Variants in ZMIZ1 observed in about 807,000 individuals in gnomAD.
The protein encoded by ZMIZ1 is zinc finger MIZ-type containing 1, also known as zinc finger MIZ domain-containing protein 1.
A neutral mutation model predicts 113.9 loss-of-function variants in ZMIZ1; 17 were observed. That is an observed-to-expected ratio of 0.15 (90% CI 0.10 to 0.22). ZMIZ1 has a LOEUF of 0.22. ZMIZ1 is among the 10% of genes least tolerant of loss of function. The pLI is 1.00. For synonymous variants in ZMIZ1, 607 were observed against 603.1 expected, an observed-to-expected ratio of 1.01 and a Z score of -0.09; for missense variants, 1,059 against 1,477.8, an observed-to-expected ratio of 0.72 and a Z score of 4.65.
intron 1 of ZMIZ1, among the ~76,000 whole-genome samples, chr10:79,113,553 G>A (rs570130187): frequency 6.6e-5 from 10 of 152,330 alleles, no homozygotes; most frequent in South Asian, 2.1e-4. Flanking sequence ...TCCACTTTAT[G>A]TGCCCAGGCC....
intron 4 of ZMIZ1, among the ~76,000 whole-genome samples, chr10:79,165,973 T>C (rs992723576): frequency 0.015 from 885 of 58,688 alleles, 1 homozygote; most frequent in African/African-American, 0.019. Context: ...TGTGTGTGTG[T>C]GTGTGTGTGT....
Position 79,296,363 on chromosome 10 carries a change from C to A in ZMIZ1, c.1231-108C>A. On this transcript the variant is annotated intron_variant, in intron 12 of 24. Transcript: ENST00000334512. This position sits in a 1 kb window ranked among gnomAD's most constrained non-coding sequence, Gnocchi z 4.1. The stretch of plus-strand genomic sequence containing the variant: ...ATCTGGTTTTGTGGGTGGGAAACAG[C>A]AGGAGCAAATGAGGAGAGGCGGGCC... The A allele has an allele frequency of 8.2e-7, 1 of 1,224,530 alleles. No individual in the cohort carries two copies. The highest frequency in any genetic ancestry group is 1.2e-6 in the Non-Finnish European group (1 of 845,740). 75.9% of individuals were successfully genotyped at this position (1,224,530 alleles called of 1,614,324 possible).
intron 3 of ZMIZ1, among the ~76,000 whole-genome samples, chr10:79,161,824 G>T (rs536108800): frequency 6.6e-6 from 1 of 150,800 alleles, no homozygotes; most frequent in Non-Finnish European, 1.5e-5. Context: ...ACTTTGACAC[G>T]TGAGGAAATT....
chr10:79,156,321 G>A (rs1156948787), intron 3 of ZMIZ1, among the ~76,000 whole-genome samples: 1 of 152,100 alleles, frequency 6.6e-6, no homozygotes, highest in Admixed American at 6.5e-5. Context: ...TGCCAGGTTG[G>A]GGACCCTAGG....
intron 1 of ZMIZ1, among the ~76,000 whole-genome samples, chr10:79,095,576 TG>T (rs1843141087): frequency 6.6e-6 from 1 of 152,228 alleles, no homozygotes; most frequent in South Asian, 2.1e-4. Flanking sequence ...CTTACCTGAC[TG>T]CTCTGAGTGC....
At chr10:79,223,683 C>T (rs1336495025) in intron 7 of ZMIZ1, among the ~76,000 whole-genome samples, 1 of 152,234 alleles carries the variant, frequency 6.6e-6, no homozygotes, top group Non-Finnish European at 1.5e-5. Context: ...AGACACAGAC[C>T]CAGGTCACAT....
At chr10:79,218,790 G>GC (rs1205212236) in intron 7 of ZMIZ1, among the ~76,000 whole-genome samples, 1 of 152,166 alleles carries the variant, frequency 6.6e-6, no homozygotes. Flanking sequence ...TAAGGGGACA[G>GC]CCTGTGCAAA....
At chr10:79,077,867 A>G (rs1842527339) in intron 1 of ZMIZ1, among the ~76,000 whole-genome samples, 1 of 152,262 alleles carries the variant, frequency 6.6e-6, no homozygotes, top group Non-Finnish European at 1.5e-5. Flanking sequence ...AGCCCTAGTC[A>G]TGGTCACCAC....
In ZMIZ1 at chr10:79,194,893, G is replaced by A. The variant is rs561433048; in HGVS notation, c.-49-6691G>A. 2.0e-5 allele frequency among the ~76,000 whole-genome samples: 3 copies of A among 152,312 alleles called. No homozygotes were observed. The South Asian group carries it at 6.2e-4, about 32-fold the overall frequency. ...TGGTGAGAAGTGTAAATGGAAGCTT[G>A]GTCCCGAAAGACGTCCCACGGGAGT... is the stretch of plus-strand genomic sequence containing the variant. On this transcript the variant is annotated intron_variant, in intron 4 of 24. Transcript: ENST00000334512.
intron 12 of ZMIZ1, chr10:79,295,165 C>T (rs1472072876): frequency 2.0e-5 from 3 of 152,180 alleles, no homozygotes; most frequent in Non-Finnish European, 4.4e-5. Context: ...CCCAGTGTCC[C>T]ACTGGCTGTG....
intron 4 of ZMIZ1, among the ~76,000 whole-genome samples, chr10:79,168,185 G>A (rs1846438618): frequency 6.6e-6 from 1 of 152,188 alleles, no homozygotes; most frequent in African/African-American, 2.4e-5. Context: ...CTCTGCTCAG[G>A]CAGTGTGGCA....
chr10:79,175,602 G>GTGTA (rs1554862769), intron 4 of ZMIZ1, among the ~76,000 whole-genome samples: 5 of 113,752 alleles, frequency 4.4e-5, no homozygotes, highest in African/African-American at 9.7e-5. Flanking sequence ...GTGTGTGTGT[G>GTGTA]TGTGTGTGTG....
At chr10:79,136,824 A>G (rs1378922180) in intron 2 of ZMIZ1, among the ~76,000 whole-genome samples, 1 of 152,198 alleles carries the variant, frequency 6.6e-6, no homozygotes, top group Non-Finnish European at 1.5e-5. Context: ...AGGGAGGCTT[A>G]CAGGGAAGCA....
At chr10:79,280,514 A>G (rs999943441) in intron 8 of ZMIZ1, among the ~76,000 whole-genome samples, 5 of 152,038 alleles carry the variant, frequency 3.3e-5, no homozygotes, top group African/African-American at 9.7e-5. Flanking sequence ...GGCTCAAACA[A>G]TCCTACCACC....
At chr10:79,145,460 G>A (rs551058291) in intron 3 of ZMIZ1, among the ~76,000 whole-genome samples, 1 of 152,110 alleles carries the variant, frequency 6.6e-6, no homozygotes, top group Admixed American at 6.5e-5. Context: ...GGGTCTCCGG[G>A]TTCAAATCCC....
chr10:79,076,456 G>A (rs978942776), intron 1 of ZMIZ1, among the ~76,000 whole-genome samples: 4 of 152,192 alleles, frequency 2.6e-5, no homozygotes, highest in African/African-American at 9.7e-5. Flanking sequence ...TGCAGCCAGG[G>A]GAGTGTGGAA....
chr10:79,222,618 T>C (rs1849026589), intron 7 of ZMIZ1, among the ~76,000 whole-genome samples: 1 of 152,094 alleles, frequency 6.6e-6, no homozygotes, highest in Admixed American at 6.5e-5. Context: ...GGCTGAGACA[T>C]GCCCTGGGCC....
rs1049229886 is a variant in ZMIZ1, at chr10:79,216,192, G to A, written c.198G>A (p.Gln66=). 1 of 1,531,098 alleles carries A rather than the reference G, an allele frequency of 6.5e-7. No homozygotes were observed. Among genetic ancestry groups the A allele is most frequent in the Admixed American group, 2.0e-5 (1 of 50,266 alleles). The allele number at this position is 1,531,098 out of a possible 1,614,324, so 94.8% of individuals were successfully genotyped here. A position where few individuals can be genotyped will look rare whatever the true frequency, so the allele number is the denominator to read the frequency against. ...AGGTGGTCAGTCGGGTGGCAGCCCA[G>A]CAAGGCTTTGACCTGGACCTCGGCT... ...CLTVVSRVAA[Q]QGFDLDLGYR... The change falls in exon 7 of 25, where the codon CAG becomes CAA. Residue 66 remains glutamine (Q), a synonymous_variant. Coordinates refer to ENST00000334512, the MANE Select transcript of ZMIZ1 (RefSeq NM_020338.4).
At chr10:79,157,288 G>T (rs150623813) in intron 3 of ZMIZ1, among the ~76,000 whole-genome samples, 2 of 152,236 alleles carry the variant, frequency 1.3e-5, no homozygotes, top group Non-Finnish European at 2.9e-5. Flanking sequence ...AGCTACCAGG[G>T]TTATTGAGGA....
Sources: allele counts gnomAD v4.1 joint callset (sites outside exome capture counted in the v4.1 genomes callset), GRCh38; gene constraint gnomAD v4.1.1; non-coding constraint Gnocchi (gnomAD v3.1); transcripts MANE v1.5; gene names NCBI Gene and HGNC (gene_info 2026-07-23, HGNC 2026-07-21).